Variants in TAMALIN observed in about 807,000 individuals in gnomAD.
TAMALIN encodes protein TAMALIN.
TAMALIN carries 9 observed loss-of-function variants against 38.5 expected under a neutral mutation model. The observed-to-expected ratio is 0.23, with a 90% CI of 0.14 to 0.41. The LOEUF (loss-of-function observed/expected upper bound fraction) is 0.41, where lower values mean the gene tolerates loss of function less well. Among genes scored for constraint, TAMALIN ranks in the 10% least tolerant of loss-of-function variants. The pLI is 1.00. For synonymous variants in TAMALIN, 306 were observed against 256.5 expected, an observed-to-expected ratio of 1.19 and a Z score of -1.85; for missense variants, 548 against 554.1, an observed-to-expected ratio of 0.99 and a Z score of 0.11.
chr12:52,014,666 G>A, intron 7 of TAMALIN, 28 bp from the exon 8 acceptor site: 4 of 1,445,838 alleles, frequency 2.8e-6, no homozygotes, highest in South Asian at 1.5e-5. Context: ...GGCCTGACCC[G>A]CCCCCTACCT....
chr12:52,009,044 T>G, intron 1 of TAMALIN, 146 bp from the exon 2 acceptor site: 1 of 800,674 alleles, frequency 1.2e-6, no homozygotes, highest in Non-Finnish European at 2.1e-6. Context: ...ACTTGGCAAA[T>G]AGTTCCACCA....
In TAMALIN at chr12:52,014,820, G is replaced by A. The variant is rs1412381855; in HGVS notation, c.809G>A (p.Arg270His). 8 of 1,331,750 alleles carry A rather than the reference G, an allele frequency of 6.0e-6. No individual in the cohort carries two copies. The African/African-American group carries it at 1.1e-4, about 18-fold the overall frequency. The allele number at this position is 1,331,750 out of a possible 1,614,324, so 82.5% of individuals were successfully genotyped here. ...GPLLAVPGRP[R>H]GGARRARGDA... ...CTGCTCGCCGTGCCCGGGCGTCCCC[G>A]CGGAGGCGCCCGACGGGCCAGGGGC... The change falls in exon 8 of 8, where the codon CGC (arginine) becomes CAC (histidine). Residue 270 changes from arginine (R) to histidine (H), a missense_variant. Transcript: ENST00000293662.
rs1937656865 is a variant in TAMALIN at position 52,011,840 on chromosome 12, T to C, written c.454+699T>C. On this transcript the variant is annotated intron_variant, in intron 4 of 7. Coordinates refer to ENST00000293662, the MANE Select transcript of TAMALIN (RefSeq NM_181711.4). This position sits in a 1 kb window ranked among gnomAD's most constrained non-coding sequence, Gnocchi z 5.3. ...CCAGGAAGGGCAGCCTGAAACTGTA[T>C]GAATCAATCCCCCCTCCACCATCTT... 6.6e-6 allele frequency among the ~76,000 whole-genome samples: 1 copy of C among 151,932 alleles called. No homozygotes were observed. The highest frequency in any genetic ancestry group is 2.4e-5 in the African/African-American group (1 of 41,356).
In TAMALIN at chr12:52,014,076, C is replaced by T. The variant is rs1262818166; in HGVS notation, c.616-59C>T. On this transcript the variant is annotated intron_variant, in intron 6 of 7. Coordinates refer to ENST00000293662, the MANE Select transcript of TAMALIN (RefSeq NM_181711.4). ...CTACTCCCTGATCCCTCGTCTGTAC[C>T]CACGTCCTGCTAGTTTCCTGCTAGC... is the stretch of plus-strand genomic sequence containing the variant. 3.8e-6 allele frequency: 6 copies of T among 1,573,522 alleles called. No individual in the cohort carries two copies. The Admixed American group carries it at 1.0e-4, about 27-fold the overall frequency.
intron 4 of TAMALIN, 37 bp from the exon 5 acceptor site, chr12:52,013,650 C>T: frequency 1.9e-6 from 3 of 1,587,308 alleles, no homozygotes; most frequent in Non-Finnish European, 2.6e-6. Flanking sequence ...CTAGCATGCC[C>T]CATGGAGCAA....
In TAMALIN at chr12:52,015,088, C is replaced by T. The variant is rs772158859; in HGVS notation, c.1077C>T (p.Ala359=). 3.9e-6 allele frequency: 6 copies of T among 1,542,600 alleles called. No homozygotes were observed. In the East Asian group the frequency reaches 7.3e-5, roughly 19 times the overall value. Residue 359 remains alanine, a synonymous_variant, in exon 8 of 8, where the codon GCC becomes GCT. Coordinates refer to ENST00000293662, the MANE Select transcript of TAMALIN (RefSeq NM_181711.4). ...TCTGGACTGAGGCTCGCGAGCAGGC[C>T]CTATGCGGCCCCGGCCTGCGCAAAA... is the stretch of plus-strand genomic sequence containing the variant. ...GALWTEAREQ[A]LCGPGLRKTK... is the part of the protein sequence containing the mutation.
chr12:52,011,881 A>T lies in TAMALIN; in HGVS notation c.454+740A>T, dbSNP rs575715183. On this transcript the variant is annotated intron_variant, in intron 4 of 7. Transcript: ENST00000293662. The surrounding 1 kb of genome is among the most constrained non-coding windows in gnomAD (Gnocchi z 5.3). Reference sequence around the variant, plus strand: ...CCACCATCTTTGCCCCTAAGCCCCTACCTCCTTCCCACTTACCAGCAGCCC... The same window carrying T: ...CCACCATCTTTGCCCCTAAGCCCCTTCCTCCTTCCCACTTACCAGCAGCCC... 2.6e-5 allele frequency among the ~76,000 whole-genome samples: 4 copies of T among 151,826 alleles called. No individual in the cohort carries two copies. In the South Asian group the frequency reaches 8.3e-4, roughly 32 times the overall value.
rs765658157 is a variant in TAMALIN, at chr12:52,015,115, C to CA, written c.1106dup (p.Tyr370ValfsTer122). 1 of 1,584,176 alleles carries CA rather than the reference C, an allele frequency of 6.3e-7. No homozygotes were observed. ...TATGCGGCCCCGGCCTGCGCAAAACCAAGTACCGCAGCTTCCGCCGGCGGC... is the reference window on the plus strand; with the variant it reads ...TATGCGGCCCCGGCCTGCGCAAAACCAAAGTACCGCAGCTTCCGCCGGCGGC... On this transcript the variant is annotated frameshift_variant, in exon 8 of 8. Coordinates refer to ENST00000293662, the MANE Select transcript of TAMALIN (RefSeq NM_181711.4). LOFTEE classifies it high-confidence loss of function.
chr12:52,014,088 A>T (rs1937727613), intron 6 of TAMALIN, 47 bp from the exon 7 acceptor site: 8 of 1,583,706 alleles, frequency 5.1e-6, no homozygotes, highest in Non-Finnish European at 6.9e-6. Flanking sequence ...ACGTCCTGCT[A>T]GTTTCCTGCT....
intron 1 of TAMALIN, chr12:52,008,894 C>T (rs1469265244): frequency 8.4e-6 from 3 of 356,368 alleles, no homozygotes; most frequent in Non-Finnish European, 1.2e-5. Flanking sequence ...TAATGATCTC[C>T]CCACCTGCTG....
chr12:52,009,509 G>T (rs551821713), intron 2 of TAMALIN, among the ~76,000 whole-genome samples: 2 of 152,222 alleles, frequency 1.3e-5, no homozygotes, highest in Non-Finnish European at 2.9e-5. Context: ...CTGGATGAAC[G>T]GATGTGGGAG....
At position 52,011,280 on chromosome 12, in the gene TAMALIN, G is replaced by C; in HGVS notation, c.454+139G>C. On this transcript the variant is annotated intron_variant, in intron 4 of 7. Coordinates refer to ENST00000293662, the MANE Select transcript of TAMALIN (RefSeq NM_181711.4). The surrounding 1 kb of genome is among the most constrained non-coding windows in gnomAD (Gnocchi z 5.3). ...AGAAGGCCAGAAAGAAGAATGGATAGAATCTGGGCTTTGGATCTAGGCAAA... is the reference window on the plus strand; with the variant it reads ...AGAAGGCCAGAAAGAAGAATGGATACAATCTGGGCTTTGGATCTAGGCAAA... The C allele has an allele frequency of 6.7e-7, 1 of 1,487,578 alleles. No homozygotes were observed. Among genetic ancestry groups the C allele is most frequent in the Non-Finnish European group, 9.1e-7 (1 of 1,101,182 alleles). The allele number at this position is 1,487,578 out of a possible 1,614,324, so 92.1% of individuals were successfully genotyped here.
At chr12:52,014,345 T>C in intron 7 of TAMALIN, 144 bp downstream of exon 7, 1 of 717,272 alleles carries the variant, frequency 1.4e-6, no homozygotes. Flanking sequence ...GAGCTACTAC[T>C]ACTTTGGGTA....
At chr12:52,010,031 GA>G (rs951241599) in intron 2 of TAMALIN, among the ~76,000 whole-genome samples, 18 of 152,200 alleles carry the variant, frequency 1.2e-4, no homozygotes, top group Non-Finnish European at 4.4e-5. Context: ...CATTGGGGTA[GA>G]CGCGGAACTC....
intron 2 of TAMALIN, 58 bp downstream of exon 2, chr12:52,009,297 G>A: frequency 6.5e-7 from 1 of 1,531,770 alleles, no homozygotes; most frequent in Non-Finnish European, 9.0e-7. Flanking sequence ...GCTGGGTTGG[G>A]GGGTGCCAGG....
At chr12:52,010,412 T>G in intron 2 of TAMALIN, 1 of 733,166 alleles carries the variant, frequency 1.4e-6, no homozygotes, top group Non-Finnish European at 1.7e-6. Flanking sequence ...CCCCCACATC[T>G]GGTGGGCTGG....
At position 52,015,734 on chromosome 12, in the gene TAMALIN, A is replaced by G. The variant is rs572760062; in HGVS notation, c.*535A>G. The G allele has an allele frequency of 1.0e-4, 16 of 154,824 alleles. No individual in the cohort carries two copies. Among genetic ancestry groups the G allele is most frequent in the Admixed American group, 4.4e-4 (7 of 15,930 alleles). The allele number at this position is 154,824 out of a possible 1,614,324, so 9.6% of individuals were successfully genotyped here. A position where few individuals can be genotyped will look rare whatever the true frequency, so the allele number is the denominator to read the frequency against. ...TCGCCCCTCCCAGGGGCCTGTAACT[A>G]AGTCGGGTCCTGCCAGGCAGGGGGC... On this transcript the variant is annotated 3_prime_UTR_variant, in exon 8 of 8. Coordinates refer to ENST00000293662, the MANE Select transcript of TAMALIN (RefSeq NM_181711.4).
chr12:52,015,141 T>G lies in TAMALIN; in HGVS notation c.1130T>G (p.Leu377Arg). The G allele has an allele frequency of 6.3e-7, 1 of 1,593,892 alleles. No individual in the cohort carries two copies. Among genetic ancestry groups the G allele is most frequent in the Admixed American group, 1.7e-5 (1 of 59,684 alleles). Residue 377 changes from leucine (L) to arginine (R), a missense_variant, in exon 8 of 8, where the codon CTG (leucine) becomes CGG (arginine). This residue lies in a region of TAMALIN where 415 missense variants were observed against 417.0 expected (regional missense o/e 1.00). Coordinates refer to ENST00000293662, the MANE Select transcript of TAMALIN (RefSeq NM_181711.4). ...AAGTACCGCAGCTTCCGCCGGCGGC[T>G]GCTCAAGTTCATCCCCGGACTCAAC... is the stretch of plus-strand genomic sequence containing the variant. ...KTKYRSFRRR[L>R]LKFIPGLNRS... is the part of the protein sequence containing the mutation.
intron 6 of TAMALIN, 57 bp from the exon 7 acceptor site, chr12:52,014,078 A>C: frequency 6.3e-7 from 1 of 1,576,502 alleles, no homozygotes; most frequent in Non-Finnish European, 8.7e-7. Flanking sequence ...GTCTGTACCC[A>C]CGTCCTGCTA....
Sources: gnomAD v4.1 joint callset for allele counts (sites outside exome capture counted in the v4.1 genomes callset) on GRCh38, gnomAD v4.1.1 for gene constraint, gnomAD v4.1.1 regional missense constraint, Gnocchi (gnomAD v3.1) non-coding constraint, MANE v1.5 for transcripts, NCBI Gene and HGNC (gene_info 2026-07-23, HGNC 2026-07-21) for gene names.